DOCK1: variants seen among roughly 807,000 people sequenced by gnomAD.
DOCK1 encodes dedicator of cytokinesis 1.
DOCK1 carries 138 observed loss-of-function variants against 262.7 expected under a neutral mutation model. That is an observed-to-expected ratio of 0.53 (90% CI 0.46 to 0.61). The LOEUF is 0.61. Among genes scored for constraint, DOCK1 ranks in the 20% least tolerant of loss-of-function variants. DOCK1 has a pLI of 0.00. For missense variants in DOCK1, 1,908 were observed against 2,370.7 expected (o/e 0.80, Z 4.05); for synonymous variants, 866 against 867.4 (o/e 1.00, Z 0.03).
intron 1 of DOCK1, among the ~76,000 whole-genome samples, chr10:126,941,488 GGCT>G (rs2034976611): frequency 6.6e-6 from 1 of 152,210 alleles, no homozygotes; most frequent in African/African-American, 2.4e-5. Context: ...CGGGCACAGT[GGCT>G]CATGCCTGTA....
intron 27 of DOCK1, among the ~76,000 whole-genome samples, chr10:127,220,136 T>A (rs4442453): frequency 1.3e-5 from 2 of 151,986 alleles, no homozygotes; most frequent in South Asian, 4.2e-4. Flanking sequence ...CTTCCACTTT[T>A]GCATCCTAGA....
At chr10:126,946,919 G>A (rs961324527) in intron 1 of DOCK1, among the ~76,000 whole-genome samples, 20 of 152,264 alleles carry the variant, frequency 1.3e-4, no homozygotes, top group Admixed American at 2.6e-4. Flanking sequence ...CGGTCACAGC[G>A]GACAGGCTCA....
chr10:127,210,111 A>C (rs1268131001), intron 27 of DOCK1, among the ~76,000 whole-genome samples: 2 of 152,188 alleles, frequency 1.3e-5, no homozygotes, highest in Non-Finnish European at 2.9e-5. Context: ...GAAATAAGAA[A>C]AGATTTTTCT....
At chr10:127,332,665 A>T (rs2063036101) in intron 29 of DOCK1, among the ~76,000 whole-genome samples, 1 of 152,160 alleles carries the variant, frequency 6.6e-6, no homozygotes, top group Non-Finnish European at 1.5e-5. Context: ...GATCCCACCC[A>T]GTCCCCCAGC....
chr10:127,114,184 C>T (rs1219836301), intron 25 of DOCK1, among the ~76,000 whole-genome samples: 2 of 152,156 alleles, frequency 1.3e-5, no homozygotes, highest in African/African-American at 4.8e-5. Flanking sequence ...CCTTGTTCAT[C>T]TAGATTTTGC....
chr10:127,130,221 T>C (rs2050239962), intron 27 of DOCK1, among the ~76,000 whole-genome samples: 1 of 151,780 alleles, frequency 6.6e-6, no homozygotes, highest in Non-Finnish European at 1.5e-5. Context: ...GAAGCTGGGA[T>C]TACAGGTGCA....
At chr10:127,162,548 A>G (rs978560924) in intron 27 of DOCK1, among the ~76,000 whole-genome samples, 2 of 151,952 alleles carry the variant, frequency 1.3e-5, no homozygotes, top group Non-Finnish European at 2.9e-5. Flanking sequence ...CTTTTTTTCC[A>G]TGGTAGGGCA....
chr10:127,145,540 CT>C (rs200358926), intron 27 of DOCK1, among the ~76,000 whole-genome samples: 2,232 of 152,306 alleles, frequency 0.015, 61 homozygotes, highest in African/African-American at 0.05. Context: ...TGTTGTCCTC[CT>C]GTTCTAAGCT....
At position 127,240,576 on chromosome 10, in the gene DOCK1, G is replaced by A. The variant is rs890791772; in HGVS notation, c.2848-7432G>A. On this transcript the variant is annotated intron_variant, in intron 27 of 51. Transcript: ENST00000623213. ...TAATCAAATATTTAATTAATAAAAC[G>A]TGACATACTTTTTGAGGGCACAGCG... 2.0e-5 allele frequency among the ~76,000 whole-genome samples: 3 copies of A among 152,088 alleles called. No individual in the cohort carries two copies. In the South Asian group the frequency reaches 6.2e-4, roughly 32 times the overall value.
intron 13 of DOCK1, 121 bp from the exon 14 acceptor site, chr10:127,023,079 T>G: frequency 8.6e-7 from 1 of 1,165,148 alleles, no homozygotes; most frequent in Non-Finnish European, 1.2e-6. Flanking sequence ...AGAAAATATT[T>G]CATAATCATC....
chr10:127,390,018 A>C (rs1283011193), intron 38 of DOCK1, among the ~76,000 whole-genome samples: 2 of 151,700 alleles, frequency 1.3e-5, no homozygotes, highest in African/African-American at 4.8e-5. Context: ...TCAAACAAAA[A>C]AAAAAAAGAG....
At chr10:127,310,903 A>G (rs1395772718) in intron 29 of DOCK1, among the ~76,000 whole-genome samples, 2 of 152,224 alleles carry the variant, frequency 1.3e-5, no homozygotes, top group Non-Finnish European at 2.9e-5. Context: ...GCCAAAGCTG[A>G]TGGCTGAAAA....
intron 27 of DOCK1, chr10:127,137,585 A>G (rs2050810530): frequency 2.6e-6 from 1 of 390,822 alleles, no homozygotes; most frequent in Admixed American, 4.1e-5. Flanking sequence ...ATCTTTGACT[A>G]CGTAAGTTTC....
At chr10:127,044,722 CCA>C (rs1486017291) in intron 21 of DOCK1, among the ~76,000 whole-genome samples, 1 of 152,180 alleles carries the variant, frequency 6.6e-6, no homozygotes, top group Non-Finnish European at 1.5e-5. Context: ...AATCAGCTTA[CCA>C]CACTGCAGCC....
intron 10 of DOCK1, among the ~76,000 whole-genome samples, chr10:127,004,453 A>G (rs1413184536): frequency 2.0e-5 from 3 of 152,104 alleles, no homozygotes; most frequent in Non-Finnish European, 4.4e-5. Context: ...CGAGCTATCA[A>G]TAAAAATTCT....
chr10:127,314,161 G>A (rs1188592252), intron 29 of DOCK1, among the ~76,000 whole-genome samples: 8 of 152,202 alleles, frequency 5.3e-5, no homozygotes, highest in Non-Finnish European at 7.3e-5. Flanking sequence ...CTGGGGATCC[G>A]AATAATGCCT....
At chr10:127,252,305 G>C (rs2059680409) in intron 28 of DOCK1, among the ~76,000 whole-genome samples, 1 of 150,798 alleles carries the variant, frequency 6.6e-6, no homozygotes, top group Non-Finnish European at 1.5e-5. Flanking sequence ...CAGATGAGTA[G>C]GTTGCAAAAA....
intron 29 of DOCK1, among the ~76,000 whole-genome samples, chr10:127,303,143 A>G (rs2061747398): frequency 6.6e-6 from 1 of 152,178 alleles, no homozygotes; most frequent in Non-Finnish European, 1.5e-5. Flanking sequence ...ATCAGTCTCA[A>G]CTCGAAATAC....
At position 127,253,874 on chromosome 10, in the gene DOCK1, C is replaced by CCAAAAAA. The variant is rs1554931830; in HGVS notation, c.2950-3461_2950-3460insCAAAAAA. On this transcript the variant is annotated intron_variant, in intron 28 of 51. Coordinates refer to ENST00000623213, the MANE Select transcript of DOCK1 (RefSeq NM_001290223.2). ...TGGGTGATAGCATGAGACCCTGTCT[C>CCAAAAAA]AAAAAAAAAAAAAAAAAAAGGAAAC... 4.0e-4 allele frequency among the ~76,000 whole-genome samples: 41 copies of CCAAAAAA among 101,444 alleles called. 1 individual carries two copies. Among genetic ancestry groups the CCAAAAAA allele is most frequent in the African/African-American group, 1.2e-3 (34 of 28,116 alleles). 66.6% of individuals were successfully genotyped at this position (101,444 alleles called of 152,430 possible).
Sources: allele counts gnomAD v4.1 joint callset (sites outside exome capture counted in the v4.1 genomes callset), GRCh38; gene constraint gnomAD v4.1.1; transcripts MANE v1.5; gene names NCBI Gene and HGNC (gene_info 2026-07-23, HGNC 2026-07-21).